The following ANO6 variants were observed in gnomAD, a reference collection of about 807,000 sequenced individuals.
The protein encoded by ANO6 is anoctamin-6.
Under a neutral mutation model 117.5 loss-of-function variants are expected in ANO6, and 106 were observed. That is an observed-to-expected ratio of 0.90 (90% CI 0.77 to 1.06). The LOEUF (loss-of-function observed/expected upper bound fraction) is 1.06. Among genes scored for constraint, ANO6 ranks in the 50% least tolerant of loss-of-function variants. The probability of loss-of-function intolerance (pLI) is 0.00; values close to 1 mark genes in which losing one functional copy is unlikely to be tolerated. For synonymous variants in ANO6, 367 were observed against 385.1 expected (o/e 0.95, Z 0.55); for missense variants, 955 against 1,121.1 (o/e 0.85, Z 2.12).
intron 16 of ANO6, among the ~76,000 whole-genome samples, chr12:45,412,626 C>G (rs370355364): frequency 2.0e-5 from 3 of 152,204 alleles, no homozygotes; most frequent in Admixed American, 2.0e-4. Flanking sequence ...GTCTCCTAAC[C>G]TTTGCAGGAT....
At chr12:45,237,156 T>C (rs181470545) in intron 1 of ANO6, among the ~76,000 whole-genome samples, 1 of 152,338 alleles carries the variant, frequency 6.6e-6, no homozygotes, top group Admixed American at 6.5e-5. Flanking sequence ...TTGCAAAAAT[T>C]TTCTCCCATT....
chr12:45,407,118 A>AG (rs1278663377), intron 15 of ANO6, among the ~76,000 whole-genome samples: 3 of 152,232 alleles, frequency 2.0e-5, no homozygotes, highest in Admixed American at 1.3e-4. Context: ...AGACCAATAG[A>AG]AAACCCAAAC....
At chr12:45,438,485 T>C (rs1943733833) in intron 19 of ANO6, among the ~76,000 whole-genome samples, 1 of 152,088 alleles carries the variant, frequency 6.6e-6, no homozygotes, top group Non-Finnish European at 1.5e-5. Context: ...CACATCTGAC[T>C]TGATGTGGCA....
rs74570748 is a variant in ANO6 at position 45,431,307 on chromosome 12, G to A, written c.*1996G>A. On this transcript the variant is annotated 3_prime_UTR_variant, in exon 20 of 20. Coordinates refer to ENST00000320560, the MANE Select transcript of ANO6 (RefSeq NM_001025356.3). ...CTCCTGAGATACTGCTTCTGGAAGC[G>A]GGTGTCACTTCCTCTCTAGTACCTC... 7,077 of 985,364 alleles carry A rather than the reference G, an allele frequency of 7.2e-3. 46 individuals carry two copies. Among genetic ancestry groups the A allele is most frequent in the East Asian group, 0.034 (303 of 8,808 alleles). The allele number at this position is 985,364 out of a possible 1,614,324, so 61.0% of individuals were successfully genotyped here.
At chr12:45,350,968 TATC>T (rs1280944914) in intron 7 of ANO6, among the ~76,000 whole-genome samples, 194 bp downstream of exon 7, 1 of 152,218 alleles carries the variant, frequency 6.6e-6, no homozygotes, top group East Asian at 1.9e-4. Context: ...CCATCTCCAG[TATC>T]ATCCTCCCCC....
chr12:45,421,440 C>A lies in ANO6; in HGVS notation c.2420+167C>A, dbSNP rs189574979. ...ATCAAGCTGCTAGAGACATTTTTTC[C>A]CCATAGCTTTCTCTTGAGTGAAACT... On this transcript the variant is annotated intron_variant, in intron 18 of 19. Coordinates refer to ENST00000320560, the MANE Select transcript of ANO6 (RefSeq NM_001025356.3). Among the ~76,000 whole-genome samples, 23 of 152,116 alleles carry A rather than the reference C, an allele frequency of 1.5e-4. 1 individual carries two copies. The highest frequency in any genetic ancestry group is 1.3e-3 in the Admixed American group (20 of 15,286).
At chr12:45,282,798 G>T (rs1209712619) in intron 1 of ANO6, among the ~76,000 whole-genome samples, 1 of 152,122 alleles carries the variant, frequency 6.6e-6, no homozygotes, top group Non-Finnish European at 1.5e-5. Context: ...CATTGTAAAA[G>T]TTCTAAACAT....
At chr12:45,370,344 C>T (rs866716332) in intron 9 of ANO6, among the ~76,000 whole-genome samples, 2 of 152,228 alleles carry the variant, frequency 1.3e-5, no homozygotes, top group African/African-American at 4.8e-5. Flanking sequence ...TAGGCATGTC[C>T]ATCACCTTGA....
At chr12:45,260,953 GTTTT>G (rs573752380) in intron 1 of ANO6, among the ~76,000 whole-genome samples, 2 of 149,864 alleles carry the variant, frequency 1.3e-5, no homozygotes, top group South Asian at 2.2e-4. Flanking sequence ...GCAACCGGCT[GTTTT>G]TTTTGTTTGT....
At chr12:45,272,136 A>T (rs1938410868) in intron 1 of ANO6, among the ~76,000 whole-genome samples, 1 of 152,086 alleles carries the variant, frequency 6.6e-6, no homozygotes, top group Non-Finnish European at 1.5e-5. Flanking sequence ...TTAAAGATGC[A>T]AATTTTTTGT....
intron 1 of ANO6, among the ~76,000 whole-genome samples, chr12:45,293,154 T>C (rs572739964): frequency 6.6e-6 from 1 of 152,324 alleles, no homozygotes. Flanking sequence ...AGCAATTACA[T>C]TTTGAGGAAT....
intron 7 of ANO6, among the ~76,000 whole-genome samples, chr12:45,352,547 T>G (rs1256823393): frequency 7.9e-6 from 1 of 126,366 alleles, no homozygotes; most frequent in African/African-American, 3.2e-5. Flanking sequence ...AGCAGCATAG[T>G]GAGATCCAGT....
At chr12:45,321,875 G>A (rs1191894325) in intron 2 of ANO6, among the ~76,000 whole-genome samples, 3 of 152,136 alleles carry the variant, frequency 2.0e-5, no homozygotes, top group Non-Finnish European at 2.9e-5. Flanking sequence ...TTAAAAAGAT[G>A]TGTACTCAAT....
At chr12:45,218,182 T>C (rs1161209204) in intron 1 of ANO6, among the ~76,000 whole-genome samples, 2 of 152,036 alleles carry the variant, frequency 1.3e-5, no homozygotes, top group African/African-American at 2.4e-5. Context: ...ACTAATACTT[T>C]AGTGTTAATA....
Position 45,431,500 on chromosome 12 carries a change from T to G in ANO6, c.*2189T>G, listed in dbSNP as rs1245315171. The G allele has an allele frequency of 4.1e-5, 40 of 985,268 alleles. No homozygotes were observed. The highest frequency in any genetic ancestry group is 4.8e-5 in the Non-Finnish European group (40 of 829,942). The allele number at this position is 985,268 out of a possible 1,614,324, so 61.0% of individuals were successfully genotyped here. A position where few individuals can be genotyped will look rare whatever the true frequency, so the allele number is the denominator to read the frequency against. Reference sequence around the variant, plus strand: ...CATAGCCCCAGCAGAGAAAATCCTCTTCATAGATTAAATGTGCTGCTGTGG... The same window carrying G: ...CATAGCCCCAGCAGAGAAAATCCTCGTCATAGATTAAATGTGCTGCTGTGG... On this transcript the variant is annotated 3_prime_UTR_variant, in exon 20 of 20. Coordinates refer to ENST00000320560, the MANE Select transcript of ANO6 (RefSeq NM_001025356.3).
intron 1 of ANO6, among the ~76,000 whole-genome samples, chr12:45,218,076 G>A (rs1947343261): frequency 6.6e-6 from 1 of 152,104 alleles, no homozygotes; most frequent in African/African-American, 2.4e-5. Context: ...TTAATGACAT[G>A]TCATTCATGC....
chr12:45,377,175 C>T (rs1291862201), intron 9 of ANO6, among the ~76,000 whole-genome samples: 3 of 151,566 alleles, frequency 2.0e-5, no homozygotes, highest in Non-Finnish European at 2.9e-5. Flanking sequence ...GCTTTTCTAC[C>T]CAGTCCCTGT....
intron 8 of ANO6, among the ~76,000 whole-genome samples, chr12:45,366,203 T>G (rs2137502896): frequency 6.6e-6 from 1 of 152,196 alleles, no homozygotes; most frequent in Admixed American, 6.5e-5. Flanking sequence ...TGCAAAACTT[T>G]TACCAATTTG....
intron 1 of ANO6, among the ~76,000 whole-genome samples, chr12:45,275,597 G>T (rs1461231653): frequency 2.0e-5 from 3 of 152,256 alleles, no homozygotes; most frequent in Admixed American, 6.5e-5. Flanking sequence ...AATCTGTTAC[G>T]TATGGTGTCT....
Sources: gnomAD v4.1 joint callset for allele counts (sites outside exome capture counted in the v4.1 genomes callset) on GRCh38, gnomAD v4.1.1 for gene constraint, MANE v1.5 for transcripts, NCBI Gene and HGNC (gene_info 2026-07-23, HGNC 2026-07-21) for gene names.